LRMDA: variants seen among roughly 807,000 people sequenced by gnomAD.
LRMDA encodes the protein leucine rich melanocyte differentiation associated.
In LRMDA, 18 loss-of-function variants were observed where a neutral mutation model predicts 29.8. That is an observed-to-expected ratio of 0.60 (90% confidence interval 0.42 to 0.90). LRMDA has a LOEUF of 0.90. LRMDA is among the 40% of genes least tolerant of loss of function. LRMDA has a pLI of 0.00. For missense variants in LRMDA, 273 were observed against 273.9 expected (o/e 1.00, Z 0.02); for synonymous variants, 125 against 109.4 (o/e 1.14, Z -0.89).
At chr10:76,135,778 T>C (rs951724963) in intron 5 of LRMDA, among the ~76,000 whole-genome samples, 3 of 151,906 alleles carry the variant, frequency 2.0e-5, no homozygotes, top group Non-Finnish European at 4.4e-5. Context: ...TTTCTTTTTT[T>C]TTTTTTTAAG....
At chr10:76,302,345 G>A (rs994048474) in intron 5 of LRMDA, among the ~76,000 whole-genome samples, 2 of 152,204 alleles carry the variant, frequency 1.3e-5, no homozygotes, top group African/African-American at 4.8e-5. Flanking sequence ...TCCACAGCAT[G>A]TGTTTCACTA....
chr10:76,252,856 A>G (rs1439078380), intron 5 of LRMDA, among the ~76,000 whole-genome samples: 1 of 152,214 alleles, frequency 6.6e-6, no homozygotes, highest in East Asian at 1.9e-4. Flanking sequence ...CGTTTTCTGC[A>G]ATTCTTCCTC....
chr10:75,692,219 A>ATATATATATATATATAT (rs1554820676), intron 2 of LRMDA, among the ~76,000 whole-genome samples: 1 of 87,544 alleles, frequency 1.1e-5, no homozygotes, highest in African/African-American at 5.5e-5. Flanking sequence ...AAAAAAAAAA[A>ATATATATATATATATAT]ATATATATAT....
At chr10:76,376,785 CATT>C (rs1375242089) in intron 6 of LRMDA, among the ~76,000 whole-genome samples, 1 of 142,786 alleles carries the variant, frequency 7.0e-6, no homozygotes, top group Non-Finnish European at 1.5e-5. Context: ...GATGGCATCT[CATT>C]GTGGTTTTAA....
At chr10:76,048,699 C>T (rs950709398) in intron 4 of LRMDA, among the ~76,000 whole-genome samples, 2 of 152,186 alleles carry the variant, frequency 1.3e-5, no homozygotes, top group Non-Finnish European at 2.9e-5. Context: ...TTCTGATGTC[C>T]AGTTGGCTTT....
chr10:75,521,207 A>G (rs971786042), intron 2 of LRMDA, among the ~76,000 whole-genome samples: 1 of 152,218 alleles, frequency 6.6e-6, no homozygotes, highest in African/African-American at 2.4e-5. Context: ...TCAGAGCTCA[A>G]ACGCCATGCT....
chr10:76,450,216 C>G (rs1375853666), intron 6 of LRMDA, among the ~76,000 whole-genome samples: 3 of 151,990 alleles, frequency 2.0e-5, no homozygotes, highest in Non-Finnish European at 4.4e-5. Flanking sequence ...GGACATAAAC[C>G]TCTTAAGTTA....
intron 2 of LRMDA, among the ~76,000 whole-genome samples, chr10:75,931,653 G>A (rs1846207639): frequency 6.6e-6 from 1 of 152,158 alleles, no homozygotes; most frequent in African/African-American, 2.4e-5. Context: ...TCTGCTCAAG[G>A]AAGTCCACCC....
intron 2 of LRMDA, among the ~76,000 whole-genome samples, chr10:75,937,932 G>A (rs1451236041): frequency 6.6e-6 from 1 of 152,104 alleles, no homozygotes; most frequent in African/African-American, 2.4e-5. Context: ...GTCTATTGGG[G>A]CGATTAATTG....
chr10:75,967,111 C>T (rs888009233), intron 2 of LRMDA, among the ~76,000 whole-genome samples: 1 of 152,166 alleles, frequency 6.6e-6, no homozygotes, highest in Non-Finnish European at 1.5e-5. Flanking sequence ...CCTCGACTTG[C>T]AGGAGGAGTT....
chr10:76,311,747 A>C (rs771847669), intron 5 of LRMDA, among the ~76,000 whole-genome samples: 1 of 152,178 alleles, frequency 6.6e-6, no homozygotes, highest in Non-Finnish European at 1.5e-5. Context: ...CCACAAATAT[A>C]CTTGCATTTA....
chr10:75,634,813 GA>G (rs1162261336), intron 2 of LRMDA, among the ~76,000 whole-genome samples: 2 of 152,282 alleles, frequency 1.3e-5, no homozygotes, highest in East Asian at 1.9e-4. Flanking sequence ...AAATGGAGGG[GA>G]GGGGTGGATA....
intron 2 of LRMDA, among the ~76,000 whole-genome samples, chr10:75,835,676 C>G (rs551940779): frequency 1.3e-5 from 2 of 152,214 alleles, no homozygotes; most frequent in African/African-American, 4.8e-5. Flanking sequence ...TGCCTTAGAT[C>G]AAGCCATTTT....
At chr10:76,541,918 G>C (rs1198051699) in intron 6 of LRMDA, among the ~76,000 whole-genome samples, 1 of 152,182 alleles carries the variant, frequency 6.6e-6, no homozygotes, top group African/African-American at 2.4e-5. Context: ...CCTAAGGATA[G>C]TGTTTCAGGG....
rs988773956 is a variant in LRMDA at position 76,559,337 on chromosome 10, T to C, written c.*2049T>C. 1 of 152,210 alleles carries C rather than the reference T, an allele frequency of 6.6e-6. No homozygotes were observed. The highest frequency in any genetic ancestry group is 2.4e-5 in the African/African-American group (1 of 41,456). The allele number at this position is 152,210 out of a possible 1,614,324, so 9.4% of individuals were successfully genotyped here. ...TGTGAGCTTTGGAGGCAAAACATAT[T>C]TTTGGAGTGAGTTATTGACCACATT... On this transcript the variant is annotated 3_prime_UTR_variant, in exon 7 of 7. Coordinates refer to ENST00000611255, the MANE Select transcript of LRMDA (RefSeq NM_001305581.2).
At chr10:75,667,149 A>C (rs2132139655) in intron 2 of LRMDA, among the ~76,000 whole-genome samples, 1 of 152,264 alleles carries the variant, frequency 6.6e-6, no homozygotes, top group African/African-American at 2.4e-5. Flanking sequence ...GGAATAATGA[A>C]ATATATATTA....
At chr10:75,887,677 A>G (rs1845413731) in intron 2 of LRMDA, among the ~76,000 whole-genome samples, 1 of 152,140 alleles carries the variant, frequency 6.6e-6, no homozygotes, top group Non-Finnish European at 1.5e-5. Flanking sequence ...GCAAAGTCTA[A>G]ATGTTTACTA....
intron 5 of LRMDA, among the ~76,000 whole-genome samples, chr10:76,256,886 G>A (rs185597408): frequency 1.8e-4 from 27 of 152,272 alleles, no homozygotes; most frequent in Admixed American, 1.7e-3. Context: ...ATCACAGTCA[G>A]TGTCTCTAAA....
intron 6 of LRMDA, among the ~76,000 whole-genome samples, chr10:76,485,119 A>G (rs757358562): frequency 6.6e-6 from 1 of 151,836 alleles, no homozygotes; most frequent in Non-Finnish European, 1.5e-5. Flanking sequence ...GTATATTTAG[A>G]CTATTTTCAT....
Sources: allele counts gnomAD v4.1 joint callset (sites outside exome capture counted in the v4.1 genomes callset), GRCh38; gene constraint gnomAD v4.1.1; transcripts MANE v1.5; gene names NCBI Gene and HGNC (gene_info 2026-07-23, HGNC 2026-07-21).